The following FXR2 variants were observed in gnomAD, a reference collection of about 807,000 sequenced individuals.
FXR2 encodes the protein FMR1 autosomal homolog 2, also known as RNA-binding protein FXR2.
Under a neutral mutation model 87.3 loss-of-function variants are expected in FXR2, and 9 were observed. The observed-to-expected ratio is 0.10, with a 90% CI of 0.06 to 0.18. The LOEUF is 0.18. Ranked by LOEUF, FXR2 falls within the 10% of genes least tolerant of loss-of-function variation. The pLI is 1.00. For missense variants in FXR2, 661 were observed against 893.6 expected (o/e 0.74, Z 3.32); for synonymous variants, 331 against 328.3 (o/e 1.01, Z -0.09).
At chr17:7,599,812 A>G (rs1166650626) in intron 7 of FXR2, among the ~76,000 whole-genome samples, 2 of 151,802 alleles carry the variant, frequency 1.3e-5, no homozygotes, top group East Asian at 3.9e-4. Context: ...TGGGAGGTGG[A>G]GGTTGCAGTA....
intron 5 of FXR2, 117 bp downstream of exon 5, chr17:7,603,640 T>A: frequency 1.1e-6 from 1 of 889,974 alleles, no homozygotes. Context: ...AGGGCTCTAG[T>A]AGAGGGCCAG....
At chr17:7,608,158 G>A (rs930952833) in intron 1 of FXR2, among the ~76,000 whole-genome samples, 1 of 151,566 alleles carries the variant, frequency 6.6e-6, no homozygotes, top group African/African-American at 2.4e-5. Context: ...GTTTCGCTAT[G>A]TTGCCCAGGC....
chr17:7,601,310 T>C (rs2071753950), intron 7 of FXR2, 99 bp downstream of exon 7: 8 of 724,952 alleles, frequency 1.1e-5, no homozygotes, highest in Non-Finnish European at 1.7e-5. Flanking sequence ...GAAAAAGCCT[T>C]AGTCTTTGTT....
chr17:7,592,181 G>T lies in FXR2; in HGVS notation c.1926+73C>A. ...CTCTGCAATTCAGTAGGAGATTTGTGAAATTTTTTGTGCCCCCTGCCCCAG... is the reference window on the plus strand; with the variant it reads ...CTCTGCAATTCAGTAGGAGATTTGTTAAATTTTTTGTGCCCCCTGCCCCAG... On this transcript the variant is annotated intron_variant, in intron 16 of 16. Transcript: ENST00000250113. The surrounding 1 kb of genome is among the most constrained non-coding windows in gnomAD (Gnocchi z 4.8). 1.3e-6 allele frequency: 2 copies of T among 1,551,662 alleles called. No individual in the cohort carries two copies. Among genetic ancestry groups the T allele is most frequent in the Non-Finnish European group, 1.8e-6 (2 of 1,137,224 alleles).
intron 5 of FXR2, 128 bp from the exon 6 acceptor site, chr17:7,603,130 T>C (rs2071772821): frequency 1.7e-6 from 1 of 577,470 alleles, no homozygotes; most frequent in African/African-American, 1.9e-5. Context: ...GATGATCACT[T>C]GAAGTCAGGA....
In FXR2 at chr17:7,614,061, G is replaced by A. The variant is rs988547507; in HGVS notation, c.81+391C>T. On this transcript the variant is annotated intron_variant, in intron 1 of 16. Transcript: ENST00000250113. ...TCCCAAAGGGACCGTGTGGAAGAAA[G>A]ACAATTCTCCATGTGCTTGGATCGT... 2.7e-5 allele frequency: 13 copies of A among 474,780 alleles called. 1 individual carries two copies. The highest frequency in any genetic ancestry group is 1.9e-4 in the South Asian group (12 of 64,652). 29.4% of individuals were successfully genotyped at this position (474,780 alleles called of 1,614,324 possible).
chr17:7,608,310 C>T lies in FXR2; in HGVS notation c.82-2161G>A, dbSNP rs548881428. Among the ~76,000 whole-genome samples the T allele has an allele frequency of 4.6e-5, 7 of 151,526 alleles. No homozygotes were observed. In the South Asian group the frequency reaches 1.2e-3, roughly 27 times the overall value. Reference sequence around the variant, plus strand: ...CACTGTCTGTTGAAGACTATCCTTTCTGGCCAGGGGCGGTAGCACACGCCT... The same window carrying T: ...CACTGTCTGTTGAAGACTATCCTTTTTGGCCAGGGGCGGTAGCACACGCCT... On this transcript the variant is annotated intron_variant, in intron 1 of 16. Transcript: ENST00000250113.
chr17:7,594,379 TA>T lies in FXR2; in HGVS notation c.911-33del, dbSNP rs772591757. On this transcript the variant is annotated intron_variant, in intron 9 of 16. Transcript: ENST00000250113. The surrounding 1 kb of genome is among the most constrained non-coding windows in gnomAD (Gnocchi z 5.1). ...TAGGTAAATGAGGAATTCAGCCTTT[TA>T]TTTTTTTTAAGGAAATAAGAATAAA... The T allele has an allele frequency of 4.0e-5, 55 of 1,367,556 alleles. No individual in the cohort carries two copies. The highest frequency in any genetic ancestry group is 5.1e-5 in the Non-Finnish European group (49 of 960,270). The allele number at this position is 1,367,556 out of a possible 1,614,324, so 84.7% of individuals were successfully genotyped here. A position where few individuals can be genotyped will look rare whatever the true frequency, so the allele number is the denominator to read the frequency against.
Position 7,605,696 on chromosome 17 carries a change from T to C in FXR2, c.177A>G (p.Leu59=). The C allele has an allele frequency of 6.3e-7, 1 of 1,599,962 alleles. No individual in the cohort carries two copies. Among genetic ancestry groups the C allele is most frequent in the Admixed American group, 1.7e-5 (1 of 59,734 alleles). The change falls in exon 3 of 17, where the codon CTA becomes CTG. Residue 59 remains leucine, a synonymous_variant. Coordinates refer to ENST00000250113, the MANE Select transcript of FXR2 (RefSeq NM_004860.4). The part of the protein sequence containing the change: ...ERQIPFGDVR[L]PPPADYNKEI... ...CCTTATTATAGTCAGCTGGAGGTGG[T>C]AGCCGGACATCCCCAAAAGGAATTT... is the stretch of plus-strand genomic sequence containing the variant.
At chr17:7,613,922 T>G in intron 1 of FXR2, 1 of 408,182 alleles carries the variant, frequency 2.4e-6, no homozygotes, top group East Asian at 7.1e-5. Flanking sequence ...TCTGACCATT[T>G]CTCCTTGGCT....
At chr17:7,612,899 G>C (rs1338354618) in intron 1 of FXR2, among the ~76,000 whole-genome samples, 3 of 149,836 alleles carry the variant, frequency 2.0e-5, no homozygotes, top group Non-Finnish European at 4.4e-5. Context: ...GGGAGGCTGA[G>C]GCAGGAGAAT....
rs2071664927 is a variant in FXR2, at chr17:7,591,916, C to G, written c.1936G>C (p.Val646Leu). ...DSLSGQKGDS[V>L]SKLPKGPSEN... ...GAGGGGCCCTTAGGAAGCTTGCTGA[C>G]AGAGTCACCCTGAGGGGAAAGTGGG... is the stretch of plus-strand genomic sequence containing the variant. The change falls in exon 17 of 17, where the codon GTC (valine) becomes CTC (leucine). Residue 646 changes from valine to leucine, a missense_variant. Coordinates refer to ENST00000250113, the MANE Select transcript of FXR2 (RefSeq NM_004860.4). The surrounding 1 kb of genome is among the most constrained non-coding windows in gnomAD (Gnocchi z 4.0). The G allele has an allele frequency of 1.9e-6, 3 of 1,585,928 alleles. No homozygotes were observed. Among genetic ancestry groups the G allele is most frequent in the Admixed American group, 1.7e-5 (1 of 59,670 alleles).
chr17:7,596,038 A>C, intron 7 of FXR2, 44 bp from the exon 8 acceptor site: 2,580 of 1,452,778 alleles, frequency 1.8e-3, no homozygotes, highest in Non-Finnish European at 2.3e-3. Context: ...GTAGAATCTC[A>C]CAGTCCCAGG....
intron 1 of FXR2, among the ~76,000 whole-genome samples, chr17:7,608,023 T>C (rs1363787693): frequency 6.6e-6 from 1 of 151,970 alleles, no homozygotes; most frequent in Non-Finnish European, 1.5e-5. Context: ...ACTCCCGACC[T>C]CTGGTGATCC....
intron 6 of FXR2, 22 bp from the exon 7 acceptor site, chr17:7,601,547 A>T: frequency 7.1e-7 from 1 of 1,417,102 alleles, no homozygotes; most frequent in Non-Finnish European, 1.0e-6. Flanking sequence ...CCAGTGGGAA[A>T]GTCATTAAAA....
chr17:7,602,478 G>C (rs1336817825), intron 6 of FXR2, among the ~76,000 whole-genome samples: 1 of 152,116 alleles, frequency 6.6e-6, no homozygotes, highest in Admixed American at 6.6e-5. Flanking sequence ...TGAGGCAGGA[G>C]AATCGCTTCA....
chr17:7,594,126 G>T lies in FXR2; in HGVS notation c.1020+112C>A. The T allele has an allele frequency of 1.1e-6, 1 of 896,228 alleles. No homozygotes were observed. Among genetic ancestry groups the T allele is most frequent in the Non-Finnish European group, 1.8e-6 (1 of 541,760 alleles). 55.5% of individuals were successfully genotyped at this position (896,228 alleles called of 1,614,324 possible). A position where few individuals can be genotyped will look rare whatever the true frequency, so the allele number is the denominator to read the frequency against. ...CATTCTGGGCTCTAAATCTACTAGTGTTAAACAACTTTCCGTACTCCACCC... is the reference window on the plus strand; with the variant it reads ...CATTCTGGGCTCTAAATCTACTAGTTTTAAACAACTTTCCGTACTCCACCC... On this transcript the variant is annotated intron_variant, in intron 10 of 16. Transcript: ENST00000250113. This position sits in a 1 kb window ranked among gnomAD's most constrained non-coding sequence, Gnocchi z 5.1.
In FXR2 at chr17:7,595,785, T is replaced by C; in HGVS notation, c.831+39A>G. 6.4e-7 allele frequency: 1 copy of C among 1,558,782 alleles called. No homozygotes were observed. Among genetic ancestry groups the C allele is most frequent in the Non-Finnish European group, 8.8e-7 (1 of 1,132,242 alleles). On this transcript the variant is annotated intron_variant, in intron 8 of 16. Transcript: ENST00000250113. The surrounding 1 kb of genome is among the most constrained non-coding windows in gnomAD (Gnocchi z 4.7). ...TCTACTTCGGCCTCTCTTCCCTCTATCCCCTAAGAGACCCAGAAGAAAGAC... is the reference window on the plus strand; with the variant it reads ...TCTACTTCGGCCTCTCTTCCCTCTACCCCCTAAGAGACCCAGAAGAAAGAC...
rs966072827 is a variant in FXR2, at chr17:7,614,519, G to C, written c.14C>G (p.Ala5Gly). Residue 5 changes from alanine (A) to glycine (G), a missense_variant, in exon 1 of 17, where the codon GCC becomes GGC. Coordinates refer to ENST00000250113, the MANE Select transcript of FXR2 (RefSeq NM_004860.4). ...TCCCGGCTCCACATCCCCCCCAGAGGCCAGGCCGCCCATGGCGCCGCCACC... is the reference window on the plus strand; with the variant it reads ...TCCCGGCTCCACATCCCCCCCAGAGCCCAGGCCGCCCATGGCGCCGCCACC... Reference protein sequence around the residue: MGGLASGGDVEPGLP... With the variant: MGGLGSGGDVEPGLP... 14 of 1,498,296 alleles carry C rather than the reference G, an allele frequency of 9.3e-6. No individual in the cohort carries two copies. The highest frequency in any genetic ancestry group is 1.4e-5 in the African/African-American group (1 of 69,176). The allele number at this position is 1,498,296 out of a possible 1,614,324, so 92.8% of individuals were successfully genotyped here. A position where few individuals can be genotyped will look rare whatever the true frequency, so the allele number is the denominator to read the frequency against.
Sources: gnomAD v4.1 joint callset for allele counts (sites outside exome capture counted in the v4.1 genomes callset) on GRCh38, gnomAD v4.1.1 for gene constraint, Gnocchi (gnomAD v3.1) non-coding constraint, MANE v1.5 for transcripts, NCBI Gene and HGNC (gene_info 2026-07-23, HGNC 2026-07-21) for gene names.